The following TMEM200A variants were observed in gnomAD, a reference collection of about 807,000 sequenced individuals.
The protein encoded by TMEM200A is transmembrane protein 200A, also known as two transmembrane C.
Under a neutral mutation model 24.3 loss-of-function variants are expected in TMEM200A, and 12 were observed. That is an observed-to-expected ratio of 0.49 (90% CI 0.32 to 0.80). TMEM200A has a LOEUF of 0.80. Among genes scored for constraint, TMEM200A ranks in the 30% least tolerant of loss-of-function variants. TMEM200A has a pLI of 0.04. For synonymous variants in TMEM200A, 224 were observed against 224.4 expected (o/e 1.00, Z 0.02); for missense variants, 545 against 614.4 (o/e 0.89, Z 1.19).
chr6:130,400,022 T>C (rs1296047047), intron 2 of TMEM200A, among the ~76,000 whole-genome samples: 1 of 152,026 alleles, frequency 6.6e-6, no homozygotes, highest in Non-Finnish European at 1.5e-5. Context: ...AATGCATTCC[T>C]TTTTATGGCT....
intron 2 of TMEM200A, among the ~76,000 whole-genome samples, chr6:130,434,206 A>G (rs1296173069): frequency 6.6e-6 from 1 of 152,206 alleles, no homozygotes; most frequent in Non-Finnish European, 1.5e-5. Context: ...AGTATATGCC[A>G]GGCACTCTGC....
At chr6:130,393,083 G>T (rs1778872955) in intron 2 of TMEM200A, among the ~76,000 whole-genome samples, 1 of 152,198 alleles carries the variant, frequency 6.6e-6, no homozygotes, top group Non-Finnish European at 1.5e-5. Flanking sequence ...GAATTAACCA[G>T]CCAAATTGTG....
rs190896455 is a variant in TMEM200A, at chr6:130,404,678, A to C, written c.-17+19442A>C. Among the ~76,000 whole-genome samples the C allele has an allele frequency of 3.9e-4, 60 of 152,254 alleles. 1 individual carries two copies. Among genetic ancestry groups the C allele is most frequent in the African/African-American group, 1.4e-3 (60 of 41,550 alleles). The stretch of plus-strand genomic sequence containing the variant: ...TGTGTAGAAGCTCTTTGGTTAAATT[A>C]AATACCATTTGTCAATTTTTACTTT... On this transcript the variant is annotated intron_variant, in intron 2 of 2. Coordinates refer to ENST00000296978, the MANE Select transcript of TMEM200A (RefSeq NM_001258277.2).
At chr6:130,388,867 C>G (rs2115103984) in intron 2 of TMEM200A, among the ~76,000 whole-genome samples, 1 of 152,166 alleles carries the variant, frequency 6.6e-6, no homozygotes, top group Middle Eastern at 3.4e-3. Flanking sequence ...TGACATTTGG[C>G]ACATCAGCAA....
intron 1 of TMEM200A, among the ~76,000 whole-genome samples, chr6:130,373,387 A>C (rs1778365018): frequency 6.6e-6 from 1 of 152,178 alleles, no homozygotes; most frequent in Non-Finnish European, 1.5e-5. Flanking sequence ...ACCCAAAGGC[A>C]CTCATAACAT....
At chr6:130,406,249 T>C (rs148723908) in intron 2 of TMEM200A, among the ~76,000 whole-genome samples, 56 of 152,244 alleles carry the variant, frequency 3.7e-4, no homozygotes, top group African/African-American at 1.3e-3. Flanking sequence ...AAATATAAAA[T>C]ATATGTGCAG....
intron 2 of TMEM200A, among the ~76,000 whole-genome samples, chr6:130,430,603 G>T (rs1195228581): frequency 1.3e-5 from 2 of 151,938 alleles, no homozygotes; most frequent in East Asian, 3.9e-4. Flanking sequence ...TTACCATTAA[G>T]GTTTCATCCA....
intron 1 of TMEM200A, among the ~76,000 whole-genome samples, chr6:130,374,393 A>AGTTTTT (rs68138664): frequency 2.7e-5 from 4 of 147,040 alleles, no homozygotes; most frequent in Non-Finnish European, 5.9e-5. Flanking sequence ...AAAATGCCTG[A>AGTTTTT]GTTTTTGTTT....
At chr6:130,418,693 G>A (rs1274934447) in intron 2 of TMEM200A, among the ~76,000 whole-genome samples, 5 of 152,150 alleles carry the variant, frequency 3.3e-5, no homozygotes, top group African/African-American at 1.2e-4. Flanking sequence ...TTTAGAGTCA[G>A]AAAGATCTGG....
At chr6:130,383,032 A>G (rs1317267622) in intron 1 of TMEM200A, 1 of 985,278 alleles carries the variant, frequency 1.0e-6, no homozygotes, top group Non-Finnish European at 1.2e-6. Context: ...GAGGCCAGGC[A>G]TGATGTTACA....
chr6:130,420,121 A>C (rs1403511482), intron 2 of TMEM200A, among the ~76,000 whole-genome samples: 1 of 152,170 alleles, frequency 6.6e-6, no homozygotes, highest in Admixed American at 6.6e-5. Flanking sequence ...TCAACATATG[A>C]ATTTGAATTT....
intron 2 of TMEM200A, among the ~76,000 whole-genome samples, chr6:130,409,166 G>T (rs1779276709): frequency 6.6e-6 from 1 of 151,940 alleles, no homozygotes; most frequent in African/African-American, 2.4e-5. Context: ...ACCTTTTCCT[G>T]CACCCTCTTT....
chr6:130,421,699 C>T (rs149736485), intron 2 of TMEM200A, among the ~76,000 whole-genome samples: 57 of 152,230 alleles, frequency 3.7e-4, no homozygotes, highest in African/African-American at 1.3e-3. Flanking sequence ...TCTCCCATTC[C>T]TCCCTTCACC....
intron 2 of TMEM200A, among the ~76,000 whole-genome samples, chr6:130,422,061 G>T (rs567847229): frequency 6.6e-6 from 1 of 151,978 alleles, no homozygotes; most frequent in Admixed American, 6.6e-5. Context: ...TTATTTCTTC[G>T]GATAAATACA....
intron 2 of TMEM200A, among the ~76,000 whole-genome samples, chr6:130,400,095 CAT>C (rs574321495): frequency 0.011 from 1,654 of 150,332 alleles, 13 homozygotes; most frequent in Non-Finnish European, 0.018. Context: ...TACAGATATA[CAT>C]ATATATATAT....
chr6:130,391,941 C>T (rs1778843818), intron 2 of TMEM200A, among the ~76,000 whole-genome samples: 2 of 151,924 alleles, frequency 1.3e-5, no homozygotes, highest in African/African-American at 4.8e-5. Flanking sequence ...GACAAAGTTT[C>T]ACCGCGTTAG....
intron 1 of TMEM200A, among the ~76,000 whole-genome samples, chr6:130,367,243 G>C (rs979136583): frequency 5.3e-5 from 8 of 152,192 alleles, no homozygotes; most frequent in Admixed American, 2.6e-4. Flanking sequence ...ATTGGAATCA[G>C]CCTTAGTCCG....
intron 1 of TMEM200A, among the ~76,000 whole-genome samples, chr6:130,381,085 A>G (rs4897418): frequency 0.49 from 74,126 of 152,218 alleles, 22,140 homozygotes; most frequent in African/African-American, 0.85. Context: ...CTTAAGTTAT[A>G]ACTTAGAAGT....
chr6:130,367,852 C>T (rs912561594), intron 1 of TMEM200A, among the ~76,000 whole-genome samples: 2 of 152,108 alleles, frequency 1.3e-5, no homozygotes, highest in Non-Finnish European at 2.9e-5. Context: ...TACTAGATAG[C>T]TCATAATTAT....
Sources: allele counts gnomAD v4.1 joint callset (sites outside exome capture counted in the v4.1 genomes callset), GRCh38; gene constraint gnomAD v4.1.1; transcripts MANE v1.5; gene names NCBI Gene and HGNC (gene_info 2026-07-23, HGNC 2026-07-21).